Variants in ZNF334 observed in about 807,000 individuals in gnomAD.
ZNF334 encodes zinc finger protein 334.
A neutral mutation model predicts 12.4 loss-of-function variants in ZNF334; 14 were observed. That is an observed-to-expected ratio of 1.13 (90% confidence interval 0.74 to 1.76). The LOEUF is 1.76. Ranked by LOEUF, ZNF334 falls within the 40% of genes most tolerant of loss-of-function variation. The probability of loss-of-function intolerance (pLI) is 0.00; values close to 1 mark genes in which losing one functional copy is unlikely to be tolerated. For synonymous variants in ZNF334, 273 were observed against 269.6 expected, an observed-to-expected ratio of 1.01 and a Z score of -0.12; for missense variants, 797 against 804.5, an observed-to-expected ratio of 0.99 and a Z score of 0.11.
the ZNF334 span, chr20:46,464,627 C>T: frequency 4.7e-6 from 2 of 421,798 alleles, no homozygotes; most frequent in Admixed American, 5.9e-5. Context: ...ACATGACTCT[C>T]TGTGGAGATA....
downstream of ZNF334, among the ~76,000 whole-genome samples, chr20:46,497,849 T>C (rs781445413): frequency 9.9e-5 from 15 of 152,246 alleles, no homozygotes; most frequent in Non-Finnish European, 2.1e-4. Context: ...TCAACCCATA[T>C]GTGTGAGCCA....
At chr20:46,508,088 C>G (rs905660948) in intron 2 of ZNF334, among the ~76,000 whole-genome samples, 1 of 152,204 alleles carries the variant, frequency 6.6e-6, no homozygotes, top group African/African-American at 2.4e-5. Context: ...AATGTGTTCA[C>G]TTTGTGAGAA....
chr20:46,491,492 T>G, the ZNF334 span: 1 of 153,278 alleles, frequency 6.5e-6, no homozygotes, highest in East Asian at 1.9e-4. Flanking sequence ...ACCCCACAAG[T>G]GTGATGTTTG....
the ZNF334 span, among the ~76,000 whole-genome samples, chr20:46,480,119 C>T: frequency 1.3e-5 from 2 of 152,294 alleles, no homozygotes; most frequent in Non-Finnish European, 2.9e-5. Context: ...CCCCCTGAGG[C>T]TCTTCCTGGA....
At chr20:46,464,277 CT>C in the ZNF334 span, 16 of 554,330 alleles carry the variant, frequency 2.9e-5, no homozygotes, top group Non-Finnish European at 4.6e-5. Context: ...TCTCTTCTTT[CT>C]CCCGCCTGGT....
At chr20:46,470,548 G>A in the ZNF334 span, among the ~76,000 whole-genome samples, 1 of 152,184 alleles carries the variant, frequency 6.6e-6, no homozygotes, top group Non-Finnish European at 1.5e-5. Context: ...AGAGAGGAAC[G>A]CGAGGGACAG....
At chr20:46,506,975 G>C (rs2145980528) in intron 2 of ZNF334, among the ~76,000 whole-genome samples, 2 of 151,552 alleles carry the variant, frequency 1.3e-5, no homozygotes, top group Middle Eastern at 3.4e-3. Context: ...TTTGCCAGGA[G>C]TGGTGGCACA....
intron 2 of ZNF334, chr20:46,506,290 T>C (rs2061427957): frequency 1.7e-6 from 1 of 589,272 alleles, no homozygotes; most frequent in South Asian, 2.1e-5. Flanking sequence ...TATTAAAGAA[T>C]ATCTATAATA....
the ZNF334 span, among the ~76,000 whole-genome samples, chr20:46,468,278 C>T: frequency 7.2e-6 from 1 of 139,240 alleles, no homozygotes; most frequent in African/African-American, 2.9e-5. Flanking sequence ...TTTACACCCA[C>T]ATTTTTTTTT....
In ZNF334 at chr20:46,502,311, T is replaced by A. The variant is rs2061228869; in HGVS notation, c.1028A>T (p.His343Leu). The A allele has an allele frequency of 6.2e-7, 1 of 1,614,194 alleles. No homozygotes were observed. Among genetic ancestry groups the A allele is most frequent in the Non-Finnish European group, 8.5e-7 (1 of 1,180,030 alleles). ...GCATTCGTAAGGCTTCTCCCCTGTG[T>A]GTGACCTGAAATGTTCAGCCAGGGC... ...KSALAEHFRSHTGEKPYECKE... is the reference protein window; with the variant it reads ...KSALAEHFRSLTGEKPYECKE... The change falls in exon 5 of 5, where the codon CAC (histidine) becomes CTC (leucine). Residue 343 changes from histidine to leucine, a missense_variant. Coordinates refer to ENST00000692313, the MANE Select transcript of ZNF334 (RefSeq NM_001353824.2).
the ZNF334 span, chr20:46,485,436 T>TTTG: frequency 7.0e-6 from 1 of 141,952 alleles, no homozygotes; most frequent in African/African-American, 2.7e-5. Flanking sequence ...GAAGGTTTTT[T>TTTG]TTGTTTTTTT....
At chr20:46,465,128 T>C in the ZNF334 span, 6 of 227,800 alleles carry the variant, frequency 2.6e-5, no homozygotes, top group Admixed American at 1.1e-4. Context: ...CCTGTTTAGT[T>C]CAGCTGTTGC....
In ZNF334 at chr20:46,502,020, T is replaced by A. The variant is rs1235623967; in HGVS notation, c.1319A>T (p.Lys440Ile). 1.2e-5 allele frequency: 19 copies of A among 1,614,120 alleles called. No homozygotes were observed. Among genetic ancestry groups the A allele is most frequent in the Non-Finnish European group, 1.6e-5 (19 of 1,180,022 alleles). The change falls in exon 5 of 5, where the codon AAA (lysine) becomes ATA (isoleucine). Residue 440 changes from lysine to isoleucine, a missense_variant. Physicochemically the swap from Lys to Ile is moderately radical, Grantham distance 102. Transcript: ENST00000692313. ...EKPYECSQCG[K>I]FLCTKSALIA... Reference sequence around the variant, plus strand: ...GAGGGCTGATTTCGTACATAAAAATTTTCCACATTGACTGCATTCATAGGG... The same window carrying A: ...GAGGGCTGATTTCGTACATAAAAATATTCCACATTGACTGCATTCATAGGG...
At chr20:46,495,354 C>A (rs1403560287), downstream of ZNF334, among the ~76,000 whole-genome samples, 1 of 150,686 alleles carries the variant, frequency 6.6e-6, no homozygotes, top group East Asian at 1.9e-4. Flanking sequence ...TCAAATCATA[C>A]TAGATTAGGG....
intron 2 of ZNF334, chr20:46,506,080 C>G (rs779567811): frequency 2.5e-4 from 88 of 348,308 alleles, no homozygotes; most frequent in Non-Finnish European, 3.9e-4. Flanking sequence ...GAGAATCGAG[C>G]ATAGGAAATG....
chr20:46,511,942 T>A, intron 2 of ZNF334, 140 bp downstream of exon 2: 1 of 770,612 alleles, frequency 1.3e-6, no homozygotes, highest in East Asian at 2.8e-5. Flanking sequence ...GATTTCTGTA[T>A]ATCTATGTCC....
At position 46,504,254 on chromosome 20, in the gene ZNF334, C is replaced by T; in HGVS notation, c.201G>A (p.Glu67=). Residue 67 remains glutamate, a synonymous_variant, in exon 4 of 5, where the codon GAG becomes GAA. Coordinates refer to ENST00000692313, the MANE Select transcript of ZNF334 (RefSeq NM_001353824.2). ...DVIFKLEQGE[E]PWIVEEFSNQ... ...TTGAGAATTCCTCCACTATCCATGG[C>T]TCTTCTCCTTGCTCCAATTTGAAAA... 6.2e-7 allele frequency: 1 copy of T among 1,613,880 alleles called. No homozygotes were observed. Among genetic ancestry groups the T allele is most frequent in the Middle Eastern group, 1.6e-4 (1 of 6,062 alleles).
the ZNF334 span, among the ~76,000 whole-genome samples, chr20:46,481,605 T>C: frequency 1.3e-5 from 2 of 152,158 alleles, no homozygotes; most frequent in Admixed American, 1.3e-4. Flanking sequence ...CAGGGAGCAA[T>C]GGCTTAACTT....
At chr20:46,509,762 A>T (rs2061575826) in intron 2 of ZNF334, 2 of 679,260 alleles carry the variant, frequency 2.9e-6, no homozygotes, top group African/African-American at 3.5e-5. Flanking sequence ...CTAAAACAGG[A>T]GGCAGCCTGG....
Sources: gnomAD v4.1 joint callset for allele counts (sites outside exome capture counted in the v4.1 genomes callset) on GRCh38, gnomAD v4.1.1 for gene constraint, MANE v1.5 for transcripts, NCBI Gene and HGNC (gene_info 2026-07-23, HGNC 2026-07-21) for gene names.